NT5DC1: variants seen among roughly 807,000 people sequenced by gnomAD.
The protein encoded by NT5DC1 is 5'-nucleotidase domain-containing protein 1.
A neutral mutation model predicts 59.4 loss-of-function variants in NT5DC1; 42 were observed. The ratio of observed to expected loss-of-function variants is 0.71; its 90% CI spans 0.55 to 0.92. The LOEUF is 0.92. Ranked by LOEUF, NT5DC1 falls within the 40% of genes least tolerant of loss-of-function variation. The pLI is 0.00. For missense variants in NT5DC1, 501 were observed against 537.1 expected, an observed-to-expected ratio of 0.93 and a Z score of 0.66; for synonymous variants, 172 against 188.1, an observed-to-expected ratio of 0.91 and a Z score of 0.70.
chr6:116,146,963 G>C (rs751323861), intron 6 of NT5DC1, among the ~76,000 whole-genome samples: 1 of 146,616 alleles, frequency 6.8e-6, no homozygotes, highest in Non-Finnish European at 1.5e-5. Flanking sequence ...AGTAGAAAAG[G>C]TAGGGGAATA....
At chr6:116,173,360 T>C (rs1002481650) in intron 6 of NT5DC1, among the ~76,000 whole-genome samples, 7 of 152,184 alleles carry the variant, frequency 4.6e-5, no homozygotes, top group African/African-American at 1.7e-4. Flanking sequence ...CAATCTGAAG[T>C]TGAAATACCT....
chr6:116,182,028 C>A (rs949641540), intron 6 of NT5DC1, among the ~76,000 whole-genome samples: 2 of 151,972 alleles, frequency 1.3e-5, no homozygotes, highest in Admixed American at 1.3e-4. Context: ...CCGCTCCCAC[C>A]CTTTCCTCCG....
chr6:116,143,152 G>T (rs1308681780), intron 6 of NT5DC1, among the ~76,000 whole-genome samples: 1 of 151,964 alleles, frequency 6.6e-6, no homozygotes, highest in Non-Finnish European at 1.5e-5. Context: ...AACACTAAAG[G>T]AATTTTTAGA....
intron 6 of NT5DC1, among the ~76,000 whole-genome samples, chr6:116,146,495 A>G (rs1184415386): frequency 6.6e-6 from 1 of 152,218 alleles, no homozygotes; most frequent in Non-Finnish European, 1.5e-5. Flanking sequence ...AGCCAGAGAA[A>G]TTCTTAGCTG....
chr6:116,211,097 G>A (rs1390174860), intron 6 of NT5DC1, among the ~76,000 whole-genome samples: 1 of 152,002 alleles, frequency 6.6e-6, no homozygotes, highest in Non-Finnish European at 1.5e-5. Flanking sequence ...TGCTCTGGGG[G>A]AAACCCACCG....
rs142537133 is a variant in NT5DC1 at position 116,188,542 on chromosome 6, A to T, written c.530-32512A>T. ...AGAAAAAGCCAGTAATACAGGATAT[A>T]CATATTCTATGGTTGCATTTATAAA... On this transcript the variant is annotated intron_variant, in intron 6 of 11. Transcript: ENST00000319550. 3.4e-3 allele frequency among the ~76,000 whole-genome samples: 517 copies of T among 152,136 alleles called. 15 individuals carry two copies. The South Asian group carries it at 0.046, about 13-fold the overall frequency.
chr6:116,161,916 C>A (rs1582844523), intron 6 of NT5DC1, among the ~76,000 whole-genome samples: 1 of 151,918 alleles, frequency 6.6e-6, no homozygotes, highest in African/African-American at 2.4e-5. Flanking sequence ...TTTTATAATT[C>A]TCCTTTGTAT....
rs749735150 is a variant in NT5DC1 at position 116,121,729 on chromosome 6, A to G, written c.529+3784A>G. 1.1e-5 allele frequency: 18 copies of G among 1,613,716 alleles called. 1 individual carries two copies. The Admixed American group carries it at 3.0e-4, about 27-fold the overall frequency. On this transcript the variant is annotated intron_variant, in intron 6 of 11. Coordinates refer to ENST00000319550, the MANE Select transcript of NT5DC1 (RefSeq NM_152729.3). Reference sequence around the variant, plus strand: ...GGGGTCCTGGTAGGCCAGCTGGTCCAACATCTCCTTTTGGTCCATATGGTC... The same window carrying G: ...GGGGTCCTGGTAGGCCAGCTGGTCCGACATCTCCTTTTGGTCCATATGGTC...
chr6:116,163,141 A>AAATATATATAT lies in NT5DC1; in HGVS notation c.529+45197_529+45198insATATATATATA, dbSNP rs761718922. Reference sequence around the variant, plus strand: ...GACTCCGTCTCAAAAAAAAAAAAAAAATATATATATATATATATATATTAG... The same window carrying AAATATATATAT: ...GACTCCGTCTCAAAAAAAAAAAAAAAAATATATATATATATATATATATATATATATATTAG... On this transcript the variant is annotated intron_variant, in intron 6 of 11. Transcript: ENST00000319550. Among the ~76,000 whole-genome samples, 227 of 88,336 alleles carry AAATATATATAT rather than the reference A, an allele frequency of 2.6e-3. 5 individuals are homozygous for AAATATATATAT. The highest frequency in any genetic ancestry group is 0.012 in the African/African-American group (214 of 17,292). 58.0% of individuals were successfully genotyped at this position (88,336 alleles called of 152,430 possible).
intron 3 of NT5DC1, among the ~76,000 whole-genome samples, chr6:116,108,818 T>C (rs1335610725): frequency 1.3e-5 from 2 of 152,194 alleles, no homozygotes; most frequent in African/African-American, 4.8e-5. Context: ...GAATGGGTAT[T>C]GGGTAGGGGT....
chr6:116,216,290 C>T (rs1781686146), intron 6 of NT5DC1, among the ~76,000 whole-genome samples: 1 of 151,984 alleles, frequency 6.6e-6, no homozygotes, highest in South Asian at 2.1e-4. Flanking sequence ...GCAAAATACA[C>T]AGAAAATAAT....
At chr6:116,220,122 C>CT (rs60827021) in intron 6 of NT5DC1, among the ~76,000 whole-genome samples, 4,016 of 98,452 alleles carry the variant, frequency 0.041, 159 homozygotes, top group African/African-American at 0.075. Context: ...GCTGTTTAAC[C>CT]TTTTTTTTTT....
chr6:116,169,270 T>G (rs1045473184), intron 6 of NT5DC1, among the ~76,000 whole-genome samples: 15 of 152,254 alleles, frequency 9.9e-5, no homozygotes, highest in African/African-American at 3.4e-4. Flanking sequence ...TGTTTAACTT[T>G]TCTAGTTATC....
chr6:116,114,430 C>T (rs118113509), intron 4 of NT5DC1, among the ~76,000 whole-genome samples: 7,729 of 148,852 alleles, frequency 0.052, 224 homozygotes, highest in Non-Finnish European at 0.065. Context: ...ATTCAGCAAA[C>T]GTCTATTGAG....
Position 116,100,917 on chromosome 6 carries a change from C to G in NT5DC1, c.-14C>G. 6.3e-7 allele frequency: 1 copy of G among 1,590,250 alleles called. No homozygotes were observed. Among genetic ancestry groups the G allele is most frequent in the Non-Finnish European group, 8.5e-7 (1 of 1,169,970 alleles). ...TTCGCGGCCGAGGCGCTCCCTGGTGCTCCCCGCGCAGCCATGGCTCAGCAC... is the reference window on the plus strand; with the variant it reads ...TTCGCGGCCGAGGCGCTCCCTGGTGGTCCCCGCGCAGCCATGGCTCAGCAC... On this transcript the variant is annotated 5_prime_UTR_variant, in exon 1 of 12. Transcript: ENST00000319550.
chr6:116,247,210 A>C lies in NT5DC1; in HGVS notation c.*3186A>C, dbSNP rs1771865892. 6.6e-6 allele frequency: 1 copy of C among 152,218 alleles called. No homozygotes were observed. The highest frequency in any genetic ancestry group is 1.5e-5 in the Non-Finnish European group (1 of 68,018). 9.4% of individuals were successfully genotyped at this position (152,218 alleles called of 1,614,324 possible). A position where few individuals can be genotyped will look rare whatever the true frequency, so the allele number is the denominator to read the frequency against. ...AATTTAGCAATAATGTCGTGCTAGG[A>C]CATGAGAGGGATTAACATTGAAGAC... On this transcript the variant is annotated 3_prime_UTR_variant, in exon 12 of 12. Transcript: ENST00000319550.
intron 6 of NT5DC1, chr6:116,121,976 C>T (rs754634259): frequency 1.9e-6 from 3 of 1,606,196 alleles, no homozygotes; most frequent in South Asian, 1.1e-5. Flanking sequence ...AAGACACACC[C>T]AACACACCCA....
intron 6 of NT5DC1, among the ~76,000 whole-genome samples, chr6:116,151,715 G>C (rs1780044425): frequency 1.3e-5 from 2 of 152,070 alleles, no homozygotes; most frequent in Non-Finnish European, 2.9e-5. Flanking sequence ...CTTATAATGG[G>C]AATTAAGTAT....
intron 6 of NT5DC1, among the ~76,000 whole-genome samples, chr6:116,133,345 A>T (rs963273205): frequency 7.2e-5 from 11 of 152,220 alleles, no homozygotes; most frequent in African/African-American, 9.6e-5. Context: ...AGGAGAAATT[A>T]TAGCAAATTA....
Sources: allele counts gnomAD v4.1 joint callset (sites outside exome capture counted in the v4.1 genomes callset), GRCh38; gene constraint gnomAD v4.1.1; transcripts MANE v1.5; gene names NCBI Gene and HGNC (gene_info 2026-07-23, HGNC 2026-07-21).